Variants in TAFA1 observed in about 807,000 individuals in gnomAD.
TAFA1 encodes TAFA chemokine like family member 1, also known as chemokine-like protein TAFA-1.
TAFA1 carries 4 observed loss-of-function variants against 18.5 expected under a neutral mutation model. That is an observed-to-expected ratio of 0.22 (90% CI 0.11 to 0.49). The LOEUF (loss-of-function observed/expected upper bound fraction) is 0.49. TAFA1 is among the 20% of genes least tolerant of loss of function. The probability of loss-of-function intolerance (pLI) is 0.98; values close to 1 mark genes in which losing one functional copy is unlikely to be tolerated. For missense variants in TAFA1, 147 were observed against 169.0 expected, an observed-to-expected ratio of 0.87 and a Z score of 0.72; for synonymous variants, 56 against 55.2, an observed-to-expected ratio of 1.01 and a Z score of -0.06.
chr3:68,403,604 C>T (rs796400001), intron 2 of TAFA1, among the ~76,000 whole-genome samples: 2 of 152,300 alleles, frequency 1.3e-5, no homozygotes, highest in African/African-American at 2.4e-5. Context: ...TTTCAATTTC[C>T]ATAAATATTA....
chr3:68,015,799 A>G (rs1340478051), intron 2 of TAFA1, among the ~76,000 whole-genome samples: 1 of 152,214 alleles, frequency 6.6e-6, no homozygotes, highest in Non-Finnish European at 1.5e-5. Flanking sequence ...GATATCATAT[A>G]TATTCATTTT....
chr3:68,404,804 A>G (rs1275329094), intron 2 of TAFA1, among the ~76,000 whole-genome samples: 1 of 136,760 alleles, frequency 7.3e-6, no homozygotes, highest in African/African-American at 3.3e-5. Flanking sequence ...TTCAAAAAGA[A>G]AAAAAAAAAA....
chr3:68,085,366 T>A (rs539396534), intron 2 of TAFA1, among the ~76,000 whole-genome samples: 2 of 152,348 alleles, frequency 1.3e-5, no homozygotes, highest in Admixed American at 1.3e-4. Flanking sequence ...ATGCAACATT[T>A]CCTAACTTAT....
intron 2 of TAFA1, among the ~76,000 whole-genome samples, chr3:68,055,953 C>G (rs1163910656): frequency 2.6e-5 from 4 of 152,104 alleles, no homozygotes; most frequent in Non-Finnish European, 5.9e-5. Context: ...TCTGGCTTTC[C>G]ATACTGAACC....
At chr3:68,413,112 T>C (rs1461311135) in intron 2 of TAFA1, among the ~76,000 whole-genome samples, 1 of 152,204 alleles carries the variant, frequency 6.6e-6, no homozygotes, top group Non-Finnish European at 1.5e-5. Context: ...TTGATTTGCA[T>C]TTCTCTGATG....
At position 68,544,555 on chromosome 3, in the gene TAFA1, T is replaced by C. The variant is rs1455071568; in HGVS notation, c.*52T>C. On this transcript the variant is annotated 3_prime_UTR_variant, in exon 5 of 5. Transcript: ENST00000478136. ...AACCAACCCTCTGGAAAATACATTT[T>C]GAGAATCTCAAACATCTCACATATA... 6.3e-7 allele frequency: 1 copy of C among 1,585,118 alleles called. No homozygotes were observed. Among genetic ancestry groups the C allele is most frequent in the African/African-American group, 1.3e-5 (1 of 74,302 alleles).
chr3:68,237,841 G>T (rs540037905), intron 2 of TAFA1, among the ~76,000 whole-genome samples: 1 of 152,260 alleles, frequency 6.6e-6, no homozygotes, highest in Admixed American at 6.5e-5. Context: ...GGAGATTAGA[G>T]TATCAAGAGA....
At chr3:68,253,305 C>A (rs2067231892) in intron 2 of TAFA1, among the ~76,000 whole-genome samples, 1 of 152,126 alleles carries the variant, frequency 6.6e-6, no homozygotes. Flanking sequence ...AATGAACATG[C>A]TTTTTACAAT....
chr3:68,145,612 T>C lies in TAFA1; in HGVS notation c.118+138868T>C, dbSNP rs2065729859. 20 of 1,469,054 alleles carry C rather than the reference T, an allele frequency of 1.4e-5. No homozygotes were observed. The South Asian group carries it at 2.3e-4, about 17-fold the overall frequency. The allele number at this position is 1,469,054 out of a possible 1,614,324, so 91.0% of individuals were successfully genotyped here. The stretch of plus-strand genomic sequence containing the variant: ...AGCAGTTAGCCAGACTGACGGATTA[T>C]GTGGCTTTCCTTGAAGACTGACTTA... On this transcript the variant is annotated intron_variant, in intron 2 of 4. Coordinates refer to ENST00000478136, the MANE Select transcript of TAFA1 (RefSeq NM_213609.4).
chr3:68,045,442 A>G (rs934836435), intron 2 of TAFA1, among the ~76,000 whole-genome samples: 2 of 152,220 alleles, frequency 1.3e-5, no homozygotes, highest in East Asian at 1.9e-4. Flanking sequence ...GTAATCCACC[A>G]TAGTTAGTAT....
At chr3:68,521,370 G>A (rs1356307208) in intron 3 of TAFA1, among the ~76,000 whole-genome samples, 1 of 152,178 alleles carries the variant, frequency 6.6e-6, no homozygotes, top group South Asian at 2.1e-4. Context: ...GAAGGAGTTG[G>A]GAATGGCTTT....
At chr3:68,186,607 C>A (rs1161878791) in intron 2 of TAFA1, among the ~76,000 whole-genome samples, 1 of 151,994 alleles carries the variant, frequency 6.6e-6, no homozygotes, top group East Asian at 1.9e-4. Context: ...GAATGTTTAT[C>A]CCATCCCCAC....
upstream of TAFA1, among the ~76,000 whole-genome samples, chr3:68,002,481 G>T (rs1479077642): frequency 6.6e-6 from 1 of 152,042 alleles, no homozygotes; most frequent in African/African-American, 2.4e-5. Flanking sequence ...TATTAGCAAA[G>T]GTGAACTTCC....
intron 2 of TAFA1, among the ~76,000 whole-genome samples, chr3:68,161,080 T>C (rs1203215464): frequency 6.6e-6 from 1 of 152,322 alleles, no homozygotes; most frequent in East Asian, 1.9e-4. Flanking sequence ...ATATTTACTA[T>C]ACATATATGT....
At chr3:68,028,747 T>TTG in intron 2 of TAFA1, among the ~76,000 whole-genome samples, 1 of 35,500 alleles carries the variant, frequency 2.8e-5, no homozygotes, top group Non-Finnish European at 1.2e-4. Flanking sequence ...TCTTTTTTTT[T>TTG]AAAATTTTTT....
Position 68,379,817 on chromosome 3 carries a change from C to T in TAFA1, c.119-37463C>T, listed in dbSNP as rs933290839. 5.0e-4 allele frequency among the ~76,000 whole-genome samples: 75 copies of T among 151,034 alleles called. 1 individual carries two copies. Among genetic ancestry groups the T allele is most frequent in the African/African-American group, 1.7e-3 (71 of 41,106 alleles). ...TTTTAGGGTACATGTGCACAACATG[C>T]AGGTTTGTTACATAGGTATACATGT... On this transcript the variant is annotated intron_variant, in intron 2 of 4. Transcript: ENST00000478136.
intron 2 of TAFA1, among the ~76,000 whole-genome samples, chr3:68,375,094 T>TTATC (rs1171449103): frequency 2.7e-4 from 41 of 152,124 alleles, no homozygotes; most frequent in Non-Finnish European, 5.3e-4. Flanking sequence ...AGATTCTCTT[T>TTATC]TGGCATGATT....
chr3:68,080,892 A>AT (rs2064889745), intron 2 of TAFA1, among the ~76,000 whole-genome samples: 1 of 152,102 alleles, frequency 6.6e-6, no homozygotes, highest in Non-Finnish European at 1.5e-5. Flanking sequence ...CTCCTGGATA[A>AT]TATCCTGCAG....
chr3:68,035,043 T>C (rs1705016652), intron 2 of TAFA1, among the ~76,000 whole-genome samples: 1 of 152,196 alleles, frequency 6.6e-6, no homozygotes. Context: ...TCCAGTGGAC[T>C]TTTATATTCC....
Sources: gnomAD v4.1 joint callset for allele counts (sites outside exome capture counted in the v4.1 genomes callset) on GRCh38, gnomAD v4.1.1 for gene constraint, MANE v1.5 for transcripts, NCBI Gene and HGNC (gene_info 2026-07-23, HGNC 2026-07-21) for gene names.